BBX: variants seen among roughly 807,000 people sequenced by gnomAD.
BBX encodes the protein BBX high mobility group box domain containing.
In BBX, 30 loss-of-function variants were observed where a neutral mutation model predicts 100.2. The observed-to-expected ratio is 0.30, with a 90% CI of 0.22 to 0.41. The LOEUF is 0.41. Ranked by LOEUF, BBX falls within the 10% of genes least tolerant of loss-of-function variation. The pLI, the probability that BBX is intolerant of heterozygous loss-of-function variation, is 1.00. For synonymous variants in BBX, 376 were observed against 388.1 expected (o/e 0.97, Z 0.37); for missense variants, 1,023 against 1,129.8 (o/e 0.91, Z 1.35).
At chr3:107,716,489 T>A in intron 4 of BBX, 118 bp from the exon 5 acceptor site, 2 of 1,211,586 alleles carry the variant, frequency 1.7e-6, no homozygotes, top group Non-Finnish European at 2.3e-6. Context: ...TTTTTTTCAA[T>A]GTGTAAGTTG....
chr3:107,614,428 C>G (rs984880334), intron 2 of BBX, among the ~76,000 whole-genome samples: 2 of 151,626 alleles, frequency 1.3e-5, no homozygotes, highest in South Asian at 2.1e-4. Context: ...CCCCCACCCC[C>G]CCAAAAAAAA....
At chr3:107,753,272 C>T (rs2065213120) in intron 9 of BBX, among the ~76,000 whole-genome samples, 1 of 152,142 alleles carries the variant, frequency 6.6e-6, no homozygotes, top group African/African-American at 2.4e-5. Flanking sequence ...TCCACCCTTC[C>T]TTCCCTCAAA....
chr3:107,728,190 G>A (rs1377583083), intron 5 of BBX, among the ~76,000 whole-genome samples: 1 of 152,154 alleles, frequency 6.6e-6, no homozygotes, highest in Non-Finnish European at 1.5e-5. Flanking sequence ...CCCTGGCATG[G>A]TGGCAAGTGT....
rs140059674 is a variant in BBX at position 107,676,557 on chromosome 3, T to A, written c.-10+30648T>A. Among the ~76,000 whole-genome samples, 1,244 of 152,266 alleles carry A rather than the reference T, an allele frequency of 8.2e-3. 12 individuals are homozygous for A. The highest frequency in any genetic ancestry group is 0.013 in the Non-Finnish European group (858 of 67,990). ...AGTAATTACTGTCCTGATATAATGA[T>A]GCTAATCTTTTATCATCATCATCTG... is the stretch of plus-strand genomic sequence containing the variant. On this transcript the variant is annotated intron_variant, in intron 3 of 17. Transcript: ENST00000325805.
chr3:107,524,159 G>A (rs994834015), intron 1 of BBX: 1 of 152,336 alleles, frequency 6.6e-6, no homozygotes, highest in African/African-American at 2.4e-5. Context: ...GAGGGGAGGA[G>A]GAAGGCCTTG....
intron 2 of BBX, among the ~76,000 whole-genome samples, chr3:107,529,703 A>ATG (rs1193262137): frequency 6.6e-6 from 1 of 152,208 alleles, no homozygotes; most frequent in East Asian, 1.9e-4. Flanking sequence ...ACTTCGCTCA[A>ATG]TGTTCATATG....
At chr3:107,678,728 A>G (rs1323201749) in intron 3 of BBX, among the ~76,000 whole-genome samples, 1 of 152,014 alleles carries the variant, frequency 6.6e-6, no homozygotes, top group African/African-American at 2.4e-5. Flanking sequence ...CCGTTTCTCA[A>G]GAAGAAAAAA....
intron 5 of BBX, among the ~76,000 whole-genome samples, chr3:107,724,705 A>G (rs2062792389): frequency 6.6e-6 from 1 of 152,164 alleles, no homozygotes; most frequent in African/African-American, 2.4e-5. Flanking sequence ...TTTGTCAAAG[A>G]TCAGATAGTT....
At chr3:107,768,750 T>TA (rs34146134) in intron 10 of BBX, among the ~76,000 whole-genome samples, 145,095 of 149,950 alleles carry the variant, frequency 0.97, 70,347 homozygotes, top group Middle Eastern at 1. Context: ...TGTGACCTAT[T>TA]AAAAAAAATT....
At chr3:107,767,749 G>A (rs2066512281) in intron 10 of BBX, among the ~76,000 whole-genome samples, 1 of 152,130 alleles carries the variant, frequency 6.6e-6, no homozygotes, top group African/African-American at 2.4e-5. Flanking sequence ...ATTGTCAAAT[G>A]TGCCATCCCA....
intron 2 of BBX, among the ~76,000 whole-genome samples, chr3:107,567,353 C>G (rs1190126216): frequency 6.6e-6 from 1 of 151,966 alleles, no homozygotes; most frequent in Admixed American, 6.5e-5. Context: ...GAGAGGTGTT[C>G]TAATCTGATT....
Position 107,773,059 on chromosome 3 carries a change from G to A in BBX, c.1338G>A (p.Lys446=). Residue 446 remains lysine (K), a synonymous_variant, in exon 11 of 18, where the codon AAG becomes AAA. Coordinates refer to ENST00000325805, the MANE Select transcript of BBX (RefSeq NM_001142568.3). The surrounding 1 kb of genome is among the most constrained non-coding windows in gnomAD (Gnocchi z 4.1). ...MIIEDPAALN[K]PEKLKKKKKK... ...TTGAGGATCCCGCAGCATTAAACAA[G>A]CCAGAAAAGCTAAAAAAGAAAAAGA... is the stretch of plus-strand genomic sequence containing the variant. 1 of 1,613,578 alleles carries A rather than the reference G, an allele frequency of 6.2e-7. No homozygotes were observed. The highest frequency in any genetic ancestry group is 1.7e-5 in the Admixed American group (1 of 59,886).
intron 2 of BBX, among the ~76,000 whole-genome samples, chr3:107,586,994 A>G (rs769011830): frequency 4.6e-5 from 7 of 152,026 alleles, no homozygotes; most frequent in Middle Eastern, 3.4e-3. Context: ...CAGGTGATCC[A>G]TCTCTCTCGG....
chr3:107,626,097 A>G (rs1050310433), intron 2 of BBX, among the ~76,000 whole-genome samples: 15 of 152,192 alleles, frequency 9.9e-5, no homozygotes, highest in African/African-American at 7.2e-5. Flanking sequence ...CAAATTATAC[A>G]ATCGATAATA....
Position 107,810,974 on chromosome 3 carries a change from G to A in BBX, c.*5517G>A, listed in dbSNP as rs1172043988. ...TTTAGAGTTGGTGTAAACATGCCAT[G>A]TAATAAATGATTTCCACTTAATGGT... On this transcript the variant is annotated 3_prime_UTR_variant, in exon 18 of 18. Coordinates refer to ENST00000325805, the MANE Select transcript of BBX (RefSeq NM_001142568.3). 1 of 151,758 alleles carries A rather than the reference G, an allele frequency of 6.6e-6. No individual in the cohort carries two copies. Among genetic ancestry groups the A allele is most frequent in the Non-Finnish European group, 1.5e-5 (1 of 67,980 alleles). The allele number at this position is 151,758 out of a possible 1,614,324, so 9.4% of individuals were successfully genotyped here. A position where few individuals can be genotyped will look rare whatever the true frequency, so the allele number is the denominator to read the frequency against.
At chr3:107,756,202 C>T (rs1367481081) in intron 10 of BBX, among the ~76,000 whole-genome samples, 1 of 152,066 alleles carries the variant, frequency 6.6e-6, no homozygotes, top group African/African-American at 2.4e-5. Context: ...TTTCATAAAG[C>T]TGGTGAGGAA....
At chr3:107,700,597 C>A (rs1189981859) in intron 3 of BBX, among the ~76,000 whole-genome samples, 1 of 124,244 alleles carries the variant, frequency 8.0e-6, no homozygotes, top group Admixed American at 8.5e-5. Context: ...CCTCCCCCCA[C>A]CCCACAACAG....
chr3:107,621,006 T>A (rs1348514457), intron 2 of BBX, among the ~76,000 whole-genome samples: 1 of 151,980 alleles, frequency 6.6e-6, no homozygotes, highest in African/African-American at 2.4e-5. Flanking sequence ...CCCTCAGTAT[T>A]GGGGTTGTGG....
chr3:107,717,094 C>G (rs1370621193), intron 5 of BBX, among the ~76,000 whole-genome samples: 9 of 152,108 alleles, frequency 5.9e-5, no homozygotes, highest in Non-Finnish European at 1.5e-5. Context: ...TTCTCATTGT[C>G]TATACCCCAC....
Sources: gnomAD v4.1 joint callset for allele counts (sites outside exome capture counted in the v4.1 genomes callset) on GRCh38, gnomAD v4.1.1 for gene constraint, Gnocchi (gnomAD v3.1) non-coding constraint, MANE v1.5 for transcripts, NCBI Gene and HGNC (gene_info 2026-07-23, HGNC 2026-07-21) for gene names.